Variants in DDX60 observed in about 807,000 individuals in gnomAD.
DDX60 encodes the protein probable ATP-dependent RNA helicase DDX60.
In DDX60, 165 loss-of-function variants were observed where a neutral mutation model predicts 212.8. That is an observed-to-expected ratio of 0.78 (90% CI 0.68 to 0.88). The LOEUF (loss-of-function observed/expected upper bound fraction) is 0.88, where lower values mean the gene tolerates loss of function less well. Among genes scored for constraint, DDX60 ranks in the 40% least tolerant of loss-of-function variants. The pLI, the probability that DDX60 is intolerant of heterozygous loss-of-function variation, is 0.00. For synonymous variants in DDX60, 703 were observed against 685.3 expected, an observed-to-expected ratio of 1.03 and a Z score of -0.40; for missense variants, 1,905 against 2,003.9, an observed-to-expected ratio of 0.95 and a Z score of 0.94.
intron 1 of DDX60, among the ~76,000 whole-genome samples, chr4:168,317,140 C>T (rs10030000): frequency 0.079 from 11,684 of 148,144 alleles, 1,439 homozygotes; most frequent in African/African-American, 0.27. Flanking sequence ...GATTAATTTA[C>T]AAGAAATTTA....
chr4:168,320,747 A>G (rs1233351792), upstream of DDX60, among the ~76,000 whole-genome samples: 1 of 152,266 alleles, frequency 6.6e-6, no homozygotes. Flanking sequence ...GCTAAGCAAT[A>G]TGCTAATACC....
chr4:168,316,766 AG>A (rs1230020079), intron 1 of DDX60, among the ~76,000 whole-genome samples: 1 of 152,074 alleles, frequency 6.6e-6, no homozygotes, highest in Non-Finnish European at 1.5e-5. Flanking sequence ...CCACACCATC[AG>A]TGAAGTATTG....
At chr4:168,257,920 A>G (rs558533198) in intron 25 of DDX60, among the ~76,000 whole-genome samples, 1 of 152,308 alleles carries the variant, frequency 6.6e-6, no homozygotes, top group South Asian at 2.1e-4. Flanking sequence ...ACGCAAAACC[A>G]GAGCTGGCAT....
intron 8 of DDX60, among the ~76,000 whole-genome samples, chr4:168,289,975 C>T (rs534690003): frequency 6.6e-6 from 1 of 152,302 alleles, no homozygotes; most frequent in Admixed American, 6.5e-5. Context: ...CATTGCAAGC[C>T]AGGGAAAGTT....
At chr4:168,256,582 TG>T (rs34056773) in intron 25 of DDX60, among the ~76,000 whole-genome samples, 279 of 152,316 alleles carry the variant, frequency 1.8e-3, no homozygotes, top group Middle Eastern at 6.8e-3. Flanking sequence ...CAAATTCTCC[TG>T]ATACATGAAA....
rs535085388 is a variant in DDX60 at position 168,275,074 on chromosome 4, A to G, written c.2304+271T>C. Among the ~76,000 whole-genome samples the G allele has an allele frequency of 2.0e-5, 3 of 152,352 alleles. No homozygotes were observed. In the South Asian group the frequency reaches 6.2e-4, roughly 32 times the overall value. On this transcript the variant is annotated intron_variant, in intron 16 of 37. Transcript: ENST00000393743. Reference sequence around the variant, plus strand: ...ACACGGAAAACCTGGAGGCTGCTCCATGATGATACAGCTGGATGACACTGA... The same window carrying G: ...ACACGGAAAACCTGGAGGCTGCTCCGTGATGATACAGCTGGATGACACTGA...
chr4:168,237,477 A>C (rs1378961493), intron 31 of DDX60, 50 bp from the exon 32 acceptor site: 2 of 1,492,926 alleles, frequency 1.3e-6, no homozygotes, highest in East Asian at 4.7e-5. Flanking sequence ...ACCACATAAT[A>C]AGTAACTTAT....
chr4:168,227,904 T>C (rs1008865821), intron 33 of DDX60, among the ~76,000 whole-genome samples: 3 of 152,128 alleles, frequency 2.0e-5, no homozygotes, highest in African/African-American at 7.2e-5. Context: ...GGCATATATT[T>C]TTAATCATCT....
Position 168,302,340 on chromosome 4 carries a change from G to A in DDX60, c.683C>T (p.Pro228Leu), listed in dbSNP as rs925088901. 15 of 1,584,628 alleles carry A rather than the reference G, an allele frequency of 9.5e-6. No homozygotes were observed. The highest frequency in any genetic ancestry group is 4.1e-5 in the African/African-American group (3 of 73,748). Residue 228 changes from proline (P) to leucine (L), a missense_variant, in exon 6 of 38, where the codon CCT (proline) becomes CTT (leucine). Pro to Leu is a moderately conservative substitution (Grantham distance 98). Coordinates refer to ENST00000393743, the MANE Select transcript of DDX60 (RefSeq NM_017631.6). Reference protein sequence around the residue: ...LERFKLSALAPLFGSLKWNNI... With the variant: ...LERFKLSALALLFGSLKWNNI... The stretch of plus-strand genomic sequence containing the variant: ...ATTCCATTTTAAACTTCCAAAAAGA[G>A]GTGCTAATGCTGAAAGCTTAAATCT...
chr4:168,294,145 TA>T (rs1302983744), intron 6 of DDX60, among the ~76,000 whole-genome samples, 200 bp from the exon 7 acceptor site: 2 of 151,776 alleles, frequency 1.3e-5, no homozygotes, highest in Non-Finnish European at 2.9e-5. Context: ...AATGAAATAA[TA>T]AAATTTTTCT....
intron 30 of DDX60, among the ~76,000 whole-genome samples, chr4:168,239,253 AAGAT>A (rs1733749241): frequency 6.6e-6 from 1 of 152,128 alleles, no homozygotes; most frequent in African/African-American, 2.4e-5. Flanking sequence ...GGAAGATAGA[AAGAT>A]AGATGATAGG....
intron 3 of DDX60, among the ~76,000 whole-genome samples, chr4:168,310,560 G>A (rs1005478871): frequency 2.6e-5 from 4 of 152,138 alleles, no homozygotes; most frequent in Admixed American, 6.6e-5. Flanking sequence ...GTGGCATTAC[G>A]ATGGGCTTTG....
rs866890593 is a variant in DDX60, at chr4:168,310,987, A to G, written c.74+11T>C. ...ATGATTTCCCGTCTTTATTACTATA[A>G]TAATACTCACTCAGCTTTTGGCATT... On this transcript the variant is annotated intron_variant, in intron 3 of 37. Transcript: ENST00000393743. 12 of 1,483,870 alleles carry G rather than the reference A, an allele frequency of 8.1e-6. 1 individual carries two copies. The highest frequency in any genetic ancestry group is 1.7e-4 in the Middle Eastern group (1 of 5,844). The allele number at this position is 1,483,870 out of a possible 1,614,324, so 91.9% of individuals were successfully genotyped here. A position where few individuals can be genotyped will look rare whatever the true frequency, so the allele number is the denominator to read the frequency against.
chr4:168,308,109 A>T lies in DDX60; in HGVS notation c.161T>A (p.Ile54Lys). 6.2e-7 allele frequency: 1 copy of T among 1,609,904 alleles called. No homozygotes were observed. The highest frequency in any genetic ancestry group is 8.5e-7 in the Non-Finnish European group (1 of 1,177,244). ...GAGGTTCTGCCCAGGCTTAAATGATATCTCACAGATACATGTGATAAGTAA... is the reference window on the plus strand; with the variant it reads ...GAGGTTCTGCCCAGGCTTAAATGATTTCTCACAGATACATGTGATAAGTAA... ...DSLLITCICEISFKPGQNLHF... is the reference protein window; with the variant it reads ...DSLLITCICEKSFKPGQNLHF... The change falls in exon 4 of 38, where the codon ATA becomes AAA. Residue 54 changes from isoleucine to lysine, a missense_variant. Transcript: ENST00000393743.
At chr4:168,236,499 TG>T in intron 32 of DDX60, 126 bp from the exon 33 acceptor site, 1 of 801,446 alleles carries the variant, frequency 1.2e-6, no homozygotes, top group Non-Finnish European at 1.9e-6. Flanking sequence ...ACATAGCAAT[TG>T]AAGAATTACC....
chr4:168,251,085 G>T lies in DDX60; in HGVS notation c.3727C>A (p.Arg1243=), dbSNP rs146230325. The change falls in exon 28 of 38, where the codon CGA becomes AGA. Residue 1243 remains arginine, a synonymous_variant. Transcript: ENST00000393743. ...TCACCTTTTCTTTCAAATTTTACTC[G>T]ACCAAATACCTTCTGCAAAGTCTAA... ...DTETLQKVFG[R]VKFERKGEEL... is the part of the protein sequence containing the mutation. 2.2e-5 allele frequency: 36 copies of T among 1,612,014 alleles called. No homozygotes were observed. In the Middle Eastern group the frequency reaches 6.6e-4, roughly 29 times the overall value.
intron 17 of DDX60, 121 bp downstream of exon 17, chr4:168,273,812 CT>C: frequency 1.7e-6 from 2 of 1,169,728 alleles, no homozygotes; most frequent in Non-Finnish European, 2.4e-6. Flanking sequence ...GCTTCAGACA[CT>C]GAAACAAGAA....
Position 168,264,373 on chromosome 4 carries a change from A to G in DDX60, c.3040-1586T>C, listed in dbSNP as rs565545799. Among the ~76,000 whole-genome samples the G allele has an allele frequency of 2.3e-4, 35 of 152,328 alleles. 1 individual carries two copies. The highest frequency in any genetic ancestry group is 8.4e-4 in the African/African-American group (35 of 41,588). On this transcript the variant is annotated intron_variant, in intron 22 of 37. Coordinates refer to ENST00000393743, the MANE Select transcript of DDX60 (RefSeq NM_017631.6). ...ATAGCTAAATGCTAAGGACTATATT[A>G]TATCAACATACTAAATAAAACAAAA...
In DDX60 at chr4:168,288,253, A is replaced by C. The variant is rs751239390; in HGVS notation, c.1104T>G (p.Asn368Lys). 6.6e-7 allele frequency: 1 copy of C among 1,509,542 alleles called. No homozygotes were observed. Among genetic ancestry groups the C allele is most frequent in the South Asian group, 1.2e-5 (1 of 83,598 alleles). 93.5% of individuals were successfully genotyped at this position (1,509,542 alleles called of 1,614,324 possible). The change falls in exon 9 of 38, where the codon AAT (asparagine) becomes AAG (lysine). Residue 368 changes from asparagine to lysine, a missense_variant. By Grantham distance (94) the Asn-to-Lys change is moderately conservative. Transcript: ENST00000393743. ...NIHTFEFWNL[N>K]LIHLSDLNDE... ...CATTTAAGTCAGAAAGGTGAATTAA[A>C]TTCAGATTCCAAAATTCAAAAGTAT...
Sources: allele counts gnomAD v4.1 joint callset (sites outside exome capture counted in the v4.1 genomes callset), GRCh38; gene constraint gnomAD v4.1.1; transcripts MANE v1.5; gene names NCBI Gene and HGNC (gene_info 2026-07-23, HGNC 2026-07-21).